FOXK2: variants seen among roughly 807,000 people sequenced by gnomAD.
FOXK2 encodes the protein forkhead box K2.
In FOXK2, 24 loss-of-function variants were observed where a neutral mutation model predicts 53.3. That is an observed-to-expected ratio of 0.45 (90% CI 0.33 to 0.63). FOXK2 has a LOEUF of 0.63. Ranked by LOEUF, FOXK2 falls within the 30% of genes least tolerant of loss-of-function variation. The probability of loss-of-function intolerance (pLI) is 0.03; values close to 1 mark genes in which losing one functional copy is unlikely to be tolerated. For missense variants in FOXK2, 952 were observed against 910.5 expected, an observed-to-expected ratio of 1.05 and a Z score of -0.59; for synonymous variants, 505 against 407.1, an observed-to-expected ratio of 1.24 and a Z score of -2.89.
At chr17:82,586,231 AC>A in intron 7 of FOXK2, 31 bp downstream of exon 7, 1 of 1,231,338 alleles carries the variant, frequency 8.1e-7, no homozygotes, top group Non-Finnish European at 1.1e-6. Flanking sequence ...GAGAGGGGAG[AC>A]CACAGGGAGG....
chr17:82,523,614 A>C (rs992946823), intron 1 of FOXK2, among the ~76,000 whole-genome samples: 2 of 151,752 alleles, frequency 1.3e-5, no homozygotes, highest in African/African-American at 4.8e-5. Context: ...CTGGGATTAC[A>C]GGTGTGCACT....
intron 7 of FOXK2, 148 bp from the exon 8 acceptor site, chr17:82,586,914 AG>A (rs1404367322): frequency 5.3e-6 from 4 of 754,742 alleles, no homozygotes; most frequent in Admixed American, 5.5e-5. Flanking sequence ...AACAAAAAAA[AG>A]ATTTGCTCAT....
At chr17:82,550,030 C>T (rs1282050273) in intron 1 of FOXK2, among the ~76,000 whole-genome samples, 2 of 152,092 alleles carry the variant, frequency 1.3e-5, no homozygotes, top group Non-Finnish European at 2.9e-5. Context: ...CAGTGAGACC[C>T]CCATCTCTAC....
intron 1 of FOXK2, among the ~76,000 whole-genome samples, chr17:82,546,655 C>T (rs140316096): frequency 6.9e-4 from 104 of 151,244 alleles, no homozygotes; most frequent in African/African-American, 2.0e-3. Context: ...TAAACGGTGA[C>T]GGGGGTCTCA....
At chr17:82,521,385 G>A (rs961493188) in intron 1 of FOXK2, among the ~76,000 whole-genome samples, 15 of 150,862 alleles carry the variant, frequency 9.9e-5, no homozygotes, top group Non-Finnish European at 2.1e-4. Context: ...TCTTGGCCAG[G>A]CTGGTATTGA....
chr17:82,538,278 AG>A (rs1368656693), intron 1 of FOXK2, among the ~76,000 whole-genome samples: 1 of 152,172 alleles, frequency 6.6e-6, no homozygotes, highest in Non-Finnish European at 1.5e-5. Flanking sequence ...GCTGGAGGCC[AG>A]GAGTTCGAGA....
Position 82,533,986 on chromosome 17 carries a change from GGGAGACCCT to G in FOXK2, c.419+13681_419+13689del, listed in dbSNP as rs1037146820. ...TGCACTCCAGCCCAGGCAACAGAAG[GGGAGACCCT>G]GTCTCAGGTCGATAGGTAGATAAGA... is the stretch of plus-strand genomic sequence containing the variant. On this transcript the variant is annotated intron_variant, in intron 1 of 8. Transcript: ENST00000335255. 9.5e-4 allele frequency among the ~76,000 whole-genome samples: 145 copies of G among 151,856 alleles called. 1 individual carries two copies. Among genetic ancestry groups the G allele is most frequent in the African/African-American group, 3.4e-3 (139 of 41,414 alleles).
intron 1 of FOXK2, among the ~76,000 whole-genome samples, chr17:82,550,933 G>A (rs952777176): frequency 6.6e-5 from 10 of 152,218 alleles, no homozygotes; most frequent in African/African-American, 1.4e-4. Context: ...GTAAGCGTGC[G>A]TCACTGAAAG....
chr17:82,564,588 T>G (rs1168386685), intron 2 of FOXK2, among the ~76,000 whole-genome samples: 1 of 151,990 alleles, frequency 6.6e-6, no homozygotes, highest in East Asian at 1.9e-4. Flanking sequence ...GTCTAAAGTC[T>G]GCCCTTTCAA....
At chr17:82,586,553 G>A (rs933816929) in intron 7 of FOXK2, among the ~76,000 whole-genome samples, 2 of 151,220 alleles carry the variant, frequency 1.3e-5, no homozygotes, top group Non-Finnish European at 3.0e-5. Context: ...GTAGGCGGAG[G>A]GGAAAGGAGG....
chr17:82,582,631 G>A (rs775899770), intron 4 of FOXK2, 110 bp from the exon 5 acceptor site: 64 of 839,208 alleles, frequency 7.6e-5, no homozygotes, highest in Non-Finnish European at 7.4e-5. Flanking sequence ...CTTGCAGTCT[G>A]CCAGGCCCAA....
At chr17:82,526,124 G>C (rs1438990914) in intron 1 of FOXK2, among the ~76,000 whole-genome samples, 1 of 152,210 alleles carries the variant, frequency 6.6e-6, no homozygotes, top group Non-Finnish European at 1.5e-5. Context: ...GTGAAGACTG[G>C]AGAGAGATGA....
chr17:82,546,313 C>T (rs773773939), intron 1 of FOXK2, among the ~76,000 whole-genome samples: 19 of 151,960 alleles, frequency 1.3e-4, no homozygotes, highest in African/African-American at 3.6e-4. Flanking sequence ...GACGGGATTT[C>T]GCCGTGTTGG....
At chr17:82,592,894 T>G (rs562818196) in intron 8 of FOXK2, among the ~76,000 whole-genome samples, 33 of 143,990 alleles carry the variant, frequency 2.3e-4, no homozygotes, top group Non-Finnish European at 4.0e-4. Context: ...GGTCTCCCTG[T>G]GCCGGGCACA....
chr17:82,533,990 G>C (rs2044497100), intron 1 of FOXK2, among the ~76,000 whole-genome samples: 1 of 149,776 alleles, frequency 6.7e-6, no homozygotes, highest in Admixed American at 6.7e-5. Context: ...CAGAAGGGGA[G>C]ACCCTGTCTC....
At chr17:82,534,555 C>G (rs1336419577) in intron 1 of FOXK2, among the ~76,000 whole-genome samples, 1 of 152,180 alleles carries the variant, frequency 6.6e-6, no homozygotes, top group Non-Finnish European at 1.5e-5. Flanking sequence ...CTCCTTCTTG[C>G]TGAGAACTTT....
intron 1 of FOXK2, among the ~76,000 whole-genome samples, chr17:82,522,430 G>A (rs1481659428): frequency 1.3e-5 from 2 of 150,192 alleles, no homozygotes; most frequent in Non-Finnish European, 3.0e-5. Flanking sequence ...GTGCAGTGGC[G>A]CAATCTCGGC....
chr17:82,545,238 C>T (rs933190954), intron 1 of FOXK2, among the ~76,000 whole-genome samples: 1 of 152,200 alleles, frequency 6.6e-6, no homozygotes, highest in South Asian at 2.1e-4. Context: ...CAGCATCCAC[C>T]TCTCCCAGCC....
chr17:82,529,586 A>G lies in FOXK2; in HGVS notation c.419+9279A>G, dbSNP rs189443346. On this transcript the variant is annotated intron_variant, in intron 1 of 8. Coordinates refer to ENST00000335255, the MANE Select transcript of FOXK2 (RefSeq NM_004514.4). ...TATTTTTAATAGACAGGGTTTCACC[A>G]TGTTGGCCAGGCTGATCTCGGACTC... Among the ~76,000 whole-genome samples, 139 of 152,110 alleles carry G rather than the reference A, an allele frequency of 9.1e-4. 2 individuals are homozygous for G. In the East Asian group the frequency reaches 0.022, roughly 24 times the overall value.
Sources: gnomAD v4.1 joint callset for allele counts (sites outside exome capture counted in the v4.1 genomes callset) on GRCh38, gnomAD v4.1.1 for gene constraint, MANE v1.5 for transcripts, NCBI Gene and HGNC (gene_info 2026-07-23, HGNC 2026-07-21) for gene names.